ABTB3: variants seen among roughly 807,000 people sequenced by gnomAD.
The protein encoded by ABTB3 is ankyrin repeat and BTB domain containing 3, also known as ankyrin repeat- and BTB/POZ domain-containing protein 3.
chr12:107,427,994 G>C, the ABTB3 span, among the ~76,000 whole-genome samples: 1 of 152,110 alleles, frequency 6.6e-6, no homozygotes, highest in African/African-American at 2.4e-5. Flanking sequence ...AGCCTTAAAC[G>C]CCTTGCCCTC....
the ABTB3 span, among the ~76,000 whole-genome samples, chr12:107,554,479 T>C: frequency 6.6e-6 from 1 of 152,178 alleles, no homozygotes; most frequent in Non-Finnish European, 1.5e-5. Context: ...AAATGGAAGA[T>C]AATCATAGAA....
chr12:107,391,323 T>A, the ABTB3 span, among the ~76,000 whole-genome samples: 1 of 152,196 alleles, frequency 6.6e-6, no homozygotes, highest in East Asian at 1.9e-4. Context: ...ATTCCAATTA[T>A]GTGCATTCTG....
chr12:107,618,117 C>T, the ABTB3 span: 1 of 1,590,536 alleles, frequency 6.3e-7, no homozygotes, highest in African/African-American at 1.3e-5. Context: ...AGATCCACTT[C>T]CATCTCTGAG....
At chr12:107,596,238 G>A in the ABTB3 span, among the ~76,000 whole-genome samples, 1 of 152,168 alleles carries the variant, frequency 6.6e-6, no homozygotes, top group African/African-American at 2.4e-5. Flanking sequence ...ATGCCACTAG[G>A]GCCAGGCAGG....
At chr12:107,627,556 G>T in the ABTB3 span, among the ~76,000 whole-genome samples, 2 of 152,182 alleles carry the variant, frequency 1.3e-5, no homozygotes, top group African/African-American at 4.8e-5. Flanking sequence ...ACTCTGCTCC[G>T]TTTCAGGGTT....
chr12:107,509,755 G>A, the ABTB3 span, among the ~76,000 whole-genome samples: 3 of 152,202 alleles, frequency 2.0e-5, no homozygotes, highest in Admixed American at 6.5e-5. Context: ...GCCTGAATCT[G>A]TTTCCCACTG....
the ABTB3 span, among the ~76,000 whole-genome samples, chr12:107,402,258 T>C: frequency 6.1e-4 from 93 of 152,242 alleles, no homozygotes; most frequent in African/African-American, 2.1e-3. Flanking sequence ...AGAGCTGGAA[T>C]GTGAATCCAG....
chr12:107,406,832 C>T, the ABTB3 span, among the ~76,000 whole-genome samples: 1 of 152,122 alleles, frequency 6.6e-6, no homozygotes, highest in African/African-American at 2.4e-5. Flanking sequence ...TGATTCTTAC[C>T]ATCCTTATCC....
At chr12:107,567,417 G>T in the ABTB3 span, among the ~76,000 whole-genome samples, 21 of 152,164 alleles carry the variant, frequency 1.4e-4, no homozygotes, top group South Asian at 6.2e-4. Context: ...TGAGATTATG[G>T]TACTGTATTT....
At chr12:107,407,487 C>T in the ABTB3 span, among the ~76,000 whole-genome samples, 41 of 152,304 alleles carry the variant, frequency 2.7e-4, no homozygotes, top group African/African-American at 8.7e-4. Context: ...CACGTGTGTC[C>T]AGCAGCTACC....
chr12:107,659,286 C>T, the ABTB3 span: 2 of 152,234 alleles, frequency 1.3e-5, no homozygotes, highest in Non-Finnish European at 2.9e-5. Flanking sequence ...TGATATCTGT[C>T]TACAGTATTG....
At chr12:107,470,926 A>C in the ABTB3 span, among the ~76,000 whole-genome samples, 2 of 152,152 alleles carry the variant, frequency 1.3e-5, no homozygotes, top group African/African-American at 4.8e-5. Context: ...CAGGAAAGGG[A>C]GGGTGAGATG....
the ABTB3 span, among the ~76,000 whole-genome samples, chr12:107,601,413 G>A: frequency 4.6e-5 from 7 of 151,076 alleles, no homozygotes; most frequent in Admixed American, 3.3e-4. Flanking sequence ...ATTTAGCACC[G>A]TGTGTGAAAC....
chr12:107,638,526 G>A, the ABTB3 span, among the ~76,000 whole-genome samples: 1 of 152,112 alleles, frequency 6.6e-6, no homozygotes, highest in Non-Finnish European at 1.5e-5. Context: ...CCTGGGGAAG[G>A]GACCATCAAC....
the ABTB3 span, among the ~76,000 whole-genome samples, chr12:107,428,471 A>G: frequency 6.6e-6 from 1 of 152,230 alleles, no homozygotes; most frequent in Non-Finnish European, 1.5e-5. Flanking sequence ...CCCTCCACCA[A>G]TGAAGGATGC....
chr12:107,390,792 A>G, the ABTB3 span, among the ~76,000 whole-genome samples: 1 of 152,212 alleles, frequency 6.6e-6, no homozygotes. Flanking sequence ...AGGAGTGGTG[A>G]TAGTTTAACT....
At chr12:107,490,561 C>T in the ABTB3 span, among the ~76,000 whole-genome samples, 1 of 152,148 alleles carries the variant, frequency 6.6e-6, no homozygotes, top group African/African-American at 2.4e-5. Flanking sequence ...AGCTCTCTCT[C>T]ATGCCCCTAG....
chr12:107,416,960 G>T, the ABTB3 span, among the ~76,000 whole-genome samples: 1 of 152,102 alleles, frequency 6.6e-6, no homozygotes. Flanking sequence ...TGCAAGGTGG[G>T]TTTCTCCCTT....
chr12:107,453,154 C>T, the ABTB3 span, among the ~76,000 whole-genome samples: 2 of 152,188 alleles, frequency 1.3e-5, no homozygotes, highest in African/African-American at 4.8e-5. Context: ...GGAGGCCAGG[C>T]TGGCTGGATA....
Sources: gnomAD v4.1 joint callset for allele counts (sites outside exome capture counted in the v4.1 genomes callset) on GRCh38, gnomAD v4.1.1 for gene constraint, MANE v1.5 for transcripts, NCBI Gene and HGNC (gene_info 2026-07-23, HGNC 2026-07-21) for gene names.